Variants in FBXL17 observed in about 807,000 individuals in gnomAD.
FBXL17 encodes the protein F-box and leucine rich repeat protein 17, also known as F-box/LRR-repeat protein 17.
In FBXL17, 22 loss-of-function variants were observed where a neutral mutation model predicts 66.2. That is an observed-to-expected ratio of 0.33 (90% confidence interval 0.24 to 0.47). FBXL17 has a LOEUF of 0.47. Ranked by LOEUF, FBXL17 falls within the 20% of genes least tolerant of loss-of-function variation. The probability of loss-of-function intolerance (pLI) is 1.00; values close to 1 mark genes in which losing one functional copy is unlikely to be tolerated. For synonymous variants in FBXL17, 474 were observed against 400.5 expected, an observed-to-expected ratio of 1.18 and a Z score of -2.19; for missense variants, 878 against 948.2, an observed-to-expected ratio of 0.93 and a Z score of 0.97.
intron 3 of FBXL17, among the ~76,000 whole-genome samples, chr5:108,363,299 C>A (rs1211827260): frequency 1.3e-5 from 2 of 151,904 alleles, no homozygotes; most frequent in African/African-American, 2.4e-5. Context: ...TTCTACTATA[C>A]CCATAACACT....
At chr5:107,933,696 T>C (rs1750804747) in intron 7 of FBXL17, among the ~76,000 whole-genome samples, 2 of 152,138 alleles carry the variant, frequency 1.3e-5, no homozygotes, top group Non-Finnish European at 2.9e-5. Flanking sequence ...TTATGAGTTT[T>C]CATCTTGGCT....
At chr5:107,915,536 G>T (rs904591458) in intron 7 of FBXL17, among the ~76,000 whole-genome samples, 1 of 152,158 alleles carries the variant, frequency 6.6e-6, no homozygotes, top group Non-Finnish European at 1.5e-5. Flanking sequence ...CTTCTTTTCT[G>T]CAAGAACTTA....
intron 4 of FBXL17, among the ~76,000 whole-genome samples, chr5:108,228,047 C>A (rs1305291047): frequency 6.6e-6 from 1 of 152,106 alleles, no homozygotes; most frequent in Non-Finnish European, 1.5e-5. Flanking sequence ...GTCCAAGAGG[C>A]CAGAGCATTC....
chr5:107,925,691 C>T (rs1005203283), intron 7 of FBXL17, among the ~76,000 whole-genome samples: 2 of 152,156 alleles, frequency 1.3e-5, no homozygotes, highest in Non-Finnish European at 2.9e-5. Context: ...CGCCAGTTGT[C>T]CACAGTAGTA....
intron 4 of FBXL17, among the ~76,000 whole-genome samples, chr5:108,275,402 C>T (rs1757443771): frequency 6.6e-6 from 1 of 152,140 alleles, no homozygotes; most frequent in East Asian, 1.9e-4. Flanking sequence ...CAATTGTCAC[C>T]TTCTAAGTGG....
At chr5:108,329,031 G>A (rs1759994471) in intron 4 of FBXL17, among the ~76,000 whole-genome samples, 1 of 151,964 alleles carries the variant, frequency 6.6e-6, no homozygotes, top group East Asian at 1.9e-4. Context: ...AAGCTCCAAG[G>A]TGCTTTTCAT....
chr5:108,062,406 A>G (rs879407781), intron 6 of FBXL17, among the ~76,000 whole-genome samples: 9 of 152,170 alleles, frequency 5.9e-5, no homozygotes, highest in Non-Finnish European at 1.3e-4. Flanking sequence ...TGCAAAATTC[A>G]TATCTTTAAT....
chr5:108,288,826 C>T (rs915393635), intron 4 of FBXL17, among the ~76,000 whole-genome samples: 16 of 151,998 alleles, frequency 1.1e-4, no homozygotes, highest in African/African-American at 2.4e-4. Context: ...GAGGTATCTA[C>T]TCTTCACTTT....
At chr5:108,204,571 T>C (rs1754034414) in intron 5 of FBXL17, among the ~76,000 whole-genome samples, 1 of 152,200 alleles carries the variant, frequency 6.6e-6, no homozygotes, top group Admixed American at 6.5e-5. Context: ...TGACATTATA[T>C]TGATGAAGTT....
intron 6 of FBXL17, among the ~76,000 whole-genome samples, chr5:108,089,987 C>T (rs1186233043): frequency 6.6e-6 from 1 of 151,996 alleles, no homozygotes; most frequent in Non-Finnish European, 1.5e-5. Flanking sequence ...GCCACTATAC[C>T]CAGCTAATTT....
chr5:108,127,678 G>T (rs947978608), intron 6 of FBXL17, among the ~76,000 whole-genome samples: 8 of 151,962 alleles, frequency 5.3e-5, no homozygotes, highest in African/African-American at 1.9e-4. Flanking sequence ...TTAAAATTCT[G>T]CTTCAAAAAA....
chr5:108,249,840 G>A (rs1422789894), intron 4 of FBXL17, among the ~76,000 whole-genome samples: 2 of 152,096 alleles, frequency 1.3e-5, no homozygotes, highest in Non-Finnish European at 2.9e-5. Context: ...CACTAGGAAA[G>A]TCCTGCTGAG....
intron 4 of FBXL17, among the ~76,000 whole-genome samples, chr5:108,333,645 ATTTAT>A (rs1760240310): frequency 6.6e-6 from 1 of 152,100 alleles, no homozygotes; most frequent in African/African-American, 2.4e-5. Flanking sequence ...TCAATTCTCA[ATTTAT>A]CAACACAGGA....
chr5:107,906,624 A>G (rs1446024855), intron 7 of FBXL17, among the ~76,000 whole-genome samples: 4 of 152,180 alleles, frequency 2.6e-5, no homozygotes, highest in Admixed American at 2.6e-4. Flanking sequence ...ACCATACAGG[A>G]TCCCAACATC....
intron 4 of FBXL17, among the ~76,000 whole-genome samples, chr5:108,311,793 A>G (rs1467269840): frequency 6.6e-6 from 1 of 152,208 alleles, no homozygotes; most frequent in Non-Finnish European, 1.5e-5. Context: ...TCTTAGTCAG[A>G]AAGAGAATGC....
intron 7 of FBXL17, among the ~76,000 whole-genome samples, chr5:107,904,253 T>C (rs1000773139): frequency 4.6e-5 from 7 of 152,236 alleles, no homozygotes; most frequent in African/African-American, 1.7e-4. Context: ...CTTGTCCAGA[T>C]CAGAGCCAGG....
At chr5:108,108,831 T>A (rs897500899) in intron 6 of FBXL17, among the ~76,000 whole-genome samples, 3 of 151,104 alleles carry the variant, frequency 2.0e-5, no homozygotes, top group Non-Finnish European at 4.4e-5. Context: ...TTGCCCAGGT[T>A]GGAGTGCAAT....
chr5:108,064,276 CT>C (rs1748033813), intron 6 of FBXL17, among the ~76,000 whole-genome samples: 1 of 152,194 alleles, frequency 6.6e-6, no homozygotes, highest in South Asian at 2.1e-4. Flanking sequence ...TCAAGTTTCA[CT>C]TTCTGAGAAA....
chr5:108,301,839 T>G (rs1219597624), intron 4 of FBXL17: 3 of 177,012 alleles, frequency 1.7e-5, no homozygotes, highest in African/African-American at 7.2e-5. Context: ...TCTATAAATT[T>G]TATAGATGCC....
Sources: gnomAD v4.1 joint callset for allele counts (sites outside exome capture counted in the v4.1 genomes callset) on GRCh38, gnomAD v4.1.1 for gene constraint, MANE v1.5 for transcripts, NCBI Gene and HGNC (gene_info 2026-07-23, HGNC 2026-07-21) for gene names.